The following PPP1R14D variants were observed in gnomAD, a reference collection of about 807,000 sequenced individuals.
The protein encoded by PPP1R14D is protein phosphatase 1 regulatory inhibitor subunit 14D, also known as protein phosphatase 1 regulatory subunit 14D.
Under a neutral mutation model 17.1 loss-of-function variants are expected in PPP1R14D, and 14 were observed. The ratio of observed to expected loss-of-function variants is 0.82; its 90% CI spans 0.54 to 1.28. The LOEUF is 1.28. Among genes scored for constraint, PPP1R14D ranks in the 50% most tolerant of loss-of-function variants. The pLI is 0.00. For synonymous variants in PPP1R14D, 67 were observed against 66.1 expected, an observed-to-expected ratio of 1.01 and a Z score of -0.06; for missense variants, 173 against 179.2, an observed-to-expected ratio of 0.97 and a Z score of 0.20.
rs528931605 is a variant in PPP1R14D at position 40,816,225 on chromosome 15, A to G, written c.284T>C (p.Ile95Thr). The G allele has an allele frequency of 3.7e-6, 6 of 1,614,120 alleles. No homozygotes were observed. Among genetic ancestry groups the G allele is most frequent in the African/African-American group, 1.3e-5 (1 of 75,016 alleles). ...QDQATPSEPE[I>T]DLEALMDLST... Reference sequence around the variant, plus strand: ...TAGATCCATGAGAGCTTCCAGGTCAATCTCAGGCTCAGAAGGGGTTGCTTG... The same window carrying G: ...TAGATCCATGAGAGCTTCCAGGTCAGTCTCAGGCTCAGAAGGGGTTGCTTG... The change falls in exon 2 of 4, where the codon ATT becomes ACT. Residue 95 changes from isoleucine to threonine, a missense_variant. By Grantham distance (89) the Ile-to-Thr change is moderately conservative (BLOSUM62 -1). Coordinates refer to ENST00000299174, the MANE Select transcript of PPP1R14D (RefSeq NM_017726.8).
intron 1 of PPP1R14D, among the ~76,000 whole-genome samples, chr15:40,826,669 G>C (rs1890874093): frequency 6.6e-6 from 1 of 152,180 alleles, no homozygotes; most frequent in African/African-American, 2.4e-5. Flanking sequence ...TCCCTCAGCT[G>C]TAAAGCAGTA....
In PPP1R14D at chr15:40,815,969, G is replaced by A; in HGVS notation, c.365C>T (p.Pro122Leu). The part of the protein sequence containing the change: ...LEAILGNCPR[P>L]TEAFISELLS... ...CAGAAGAACATCCCTTACCTCTGTG[G>A]GGCGGGGGCAGTTCCCAAGAATGGC... The change falls in exon 3 of 4, where the codon CCC becomes CTC. Residue 122 changes from proline (P) to leucine (L), a missense_variant. Coordinates refer to ENST00000299174, the MANE Select transcript of PPP1R14D (RefSeq NM_017726.8). 6.2e-7 allele frequency: 1 copy of A among 1,614,054 alleles called. No individual in the cohort carries two copies. Among genetic ancestry groups the A allele is most frequent in the South Asian group, 1.1e-5 (1 of 91,072 alleles).
intron 1 of PPP1R14D, among the ~76,000 whole-genome samples, chr15:40,818,268 G>A (rs1213945713): frequency 8.2e-6 from 1 of 122,194 alleles, no homozygotes; most frequent in Admixed American, 1.1e-4. Context: ...CAGCCTGGGC[G>A]ACAGAGCGAG....
chr15:40,816,603 C>T (rs1194832223), intron 1 of PPP1R14D, among the ~76,000 whole-genome samples: 2 of 151,130 alleles, frequency 1.3e-5, no homozygotes, highest in Non-Finnish European at 2.9e-5. Context: ...ATCCCAGCTA[C>T]TTGGGAGGCT....
intron 1 of PPP1R14D, among the ~76,000 whole-genome samples, 153 bp from the exon 2 acceptor site, chr15:40,816,406 A>G (rs571576222): frequency 6.6e-6 from 1 of 152,274 alleles, no homozygotes; most frequent in East Asian, 1.9e-4. Context: ...TTCAACAGTA[A>G]TTTACTAAAC....
intron 1 of PPP1R14D, among the ~76,000 whole-genome samples, chr15:40,818,381 T>C (rs1448191763): frequency 6.7e-6 from 1 of 149,092 alleles, no homozygotes; most frequent in East Asian, 2.0e-4. Flanking sequence ...GCAACTAAGA[T>C]AGTCTTCAGT....
chr15:40,820,956 A>T (rs1193308802), intron 1 of PPP1R14D, among the ~76,000 whole-genome samples: 2 of 151,544 alleles, frequency 1.3e-5, no homozygotes, highest in Non-Finnish European at 2.9e-5. Context: ...GGGGGTTAAG[A>T]CAGGAGAGTG....
Position 40,819,888 on chromosome 15 carries a change from T to TG in PPP1R14D, c.256-3636dup, listed in dbSNP as rs1890741081. 4.0e-5 allele frequency among the ~76,000 whole-genome samples: 6 copies of TG among 150,480 alleles called. No homozygotes were observed. In the South Asian group the frequency reaches 1.3e-3, roughly 32 times the overall value. On this transcript the variant is annotated intron_variant, in intron 1 of 3. Coordinates refer to ENST00000299174, the MANE Select transcript of PPP1R14D (RefSeq NM_017726.8). The stretch of plus-strand genomic sequence containing the variant: ...TGCTATTTTTTTTTTTTTTTTGAGA[T>TG]GGAGGTTTGCTCTTGTTGCCCAGGC...
chr15:40,826,047 T>C (rs1440273382), intron 1 of PPP1R14D, among the ~76,000 whole-genome samples: 1 of 152,106 alleles, frequency 6.6e-6, no homozygotes, highest in East Asian at 1.9e-4. Flanking sequence ...ACTGATCCAG[T>C]GGAGAGTGCT....
intron 1 of PPP1R14D, among the ~76,000 whole-genome samples, chr15:40,827,422 C>T (rs1174238237): frequency 5.3e-5 from 8 of 151,938 alleles, no homozygotes; most frequent in Admixed American, 5.2e-4. Context: ...GCAGGAGAAT[C>T]GCTTGAACTT....
chr15:40,815,777 G>A lies in PPP1R14D; in HGVS notation c.373-16C>T. 2 of 1,597,628 alleles carry A rather than the reference G, an allele frequency of 1.3e-6. No homozygotes were observed. The highest frequency in any genetic ancestry group is 1.1e-5 in the South Asian group (1 of 89,868). On this transcript the variant is annotated splice_polypyrimidine_tract_variant and intron_variant, in intron 3 of 3. Coordinates refer to ENST00000299174, the MANE Select transcript of PPP1R14D (RefSeq NM_017726.8). ...AGATAAAAGCCTGAGGGAGAAACAG[G>A]AGTGAGACCAGGCTTGGGGTCACAA...
chr15:40,819,513 G>A (rs1383825704), intron 1 of PPP1R14D, among the ~76,000 whole-genome samples: 5 of 151,162 alleles, frequency 3.3e-5, no homozygotes, highest in African/African-American at 4.9e-5. Flanking sequence ...CTCCAGCCTG[G>A]GCGACAAAGC....
chr15:40,815,838 G>A, intron 3 of PPP1R14D, 77 bp from the exon 4 acceptor site: 1 of 1,414,188 alleles, frequency 7.1e-7, no homozygotes, highest in South Asian at 1.3e-5. Flanking sequence ...ATCTTCCCCT[G>A]CCCCTGACTC....
At chr15:40,824,071 C>CT (rs888731224) in intron 1 of PPP1R14D, among the ~76,000 whole-genome samples, 1 of 151,368 alleles carries the variant, frequency 6.6e-6, no homozygotes, top group Non-Finnish European at 1.5e-5. Context: ...TCCAAATACT[C>CT]TTGCCCTCAA....
chr15:40,826,151 C>T (rs1030029813), intron 1 of PPP1R14D, among the ~76,000 whole-genome samples: 1 of 152,164 alleles, frequency 6.6e-6, no homozygotes, highest in African/African-American at 2.4e-5. Flanking sequence ...TCTCCCTACC[C>T]TCAGTGAGTG....
chr15:40,828,631 G>C lies in PPP1R14D; in HGVS notation c.11C>G (p.Ser4Ter). Residue 4 changes from serine (S) to a stop codon, truncating the protein, a stop_gained, in exon 1 of 4, where the codon TCA becomes TGA. Coordinates refer to ENST00000299174, the MANE Select transcript of PPP1R14D (RefSeq NM_017726.8). LOFTEE classifies it high-confidence loss of function. ...GGGAGATGTGCAGGAAGCAGGGCTT[G>C]AAGACAGCATGGAAGTATTGGTCTG... MLS[S>*]SPASCTSPSP... 6.2e-7 allele frequency: 1 copy of C among 1,611,294 alleles called. No homozygotes were observed. Among genetic ancestry groups the C allele is most frequent in the South Asian group, 1.1e-5 (1 of 90,640 alleles).
At chr15:40,825,857 G>A (rs1329199531) in intron 1 of PPP1R14D, among the ~76,000 whole-genome samples, 3 of 152,172 alleles carry the variant, frequency 2.0e-5, no homozygotes, top group African/African-American at 7.2e-5. Context: ...GTCATTGCCT[G>A]GGAACGCTCC....
rs530429344 is a variant in PPP1R14D, at chr15:40,825,686, G to A, written c.255+2701C>T. On this transcript the variant is annotated intron_variant, in intron 1 of 3. Transcript: ENST00000299174. ...TGGAATGGAGCAGAGTAAGGCTGGAGACTGTGCTGTCTTGACCTCTGCCCA... is the reference window on the plus strand; with the variant it reads ...TGGAATGGAGCAGAGTAAGGCTGGAAACTGTGCTGTCTTGACCTCTGCCCA... Among the ~76,000 whole-genome samples the A allele has an allele frequency of 3.9e-5, 6 of 152,344 alleles. No individual in the cohort carries two copies. The South Asian group carries it at 1.2e-3, about 32-fold the overall frequency.
Position 40,828,508 on chromosome 15 carries a change from G to C in PPP1R14D, c.134C>G (p.Ser45Cys), listed in dbSNP as rs1298880147. 1.2e-6 allele frequency: 2 copies of C among 1,614,092 alleles called. No individual in the cohort carries two copies. The highest frequency in any genetic ancestry group is 2.2e-5 in the East Asian group (1 of 44,894). ...TDSESKSHPD[S>C]SKIPRSRRPS... ...TCTCCGGGACCTGGGTATCTTGGAG[G>C]AGTCCGGGTGGGACTTGGACTCTGA... Residue 45 changes from serine (S) to cysteine (C), a missense_variant, in exon 1 of 4, where the codon TCC (serine) becomes TGC (cysteine). Transcript: ENST00000299174.
Sources: allele counts gnomAD v4.1 joint callset (sites outside exome capture counted in the v4.1 genomes callset), GRCh38; gene constraint gnomAD v4.1.1; transcripts MANE v1.5; gene names NCBI Gene and HGNC (gene_info 2026-07-23, HGNC 2026-07-21).